PRKG1: variants seen among roughly 807,000 people sequenced by gnomAD.
PRKG1 encodes protein kinase cGMP-dependent 1.
Under a neutral mutation model 88.1 loss-of-function variants are expected in PRKG1, and 35 were observed. The observed-to-expected ratio is 0.40, with a 90% CI of 0.30 to 0.53. The LOEUF (loss-of-function observed/expected upper bound fraction) is 0.53. Ranked by LOEUF, PRKG1 falls within the 20% of genes least tolerant of loss-of-function variation. PRKG1 has a pLI of 0.59. For missense variants in PRKG1, 540 were observed against 839.8 expected (o/e 0.64, Z 4.41); for synonymous variants, 303 against 292.5 (o/e 1.04, Z -0.37).
At chr10:52,138,312 G>A (rs191739227) in intron 8 of PRKG1, among the ~76,000 whole-genome samples, 3 of 152,150 alleles carry the variant, frequency 2.0e-5, no homozygotes, top group Non-Finnish European at 4.4e-5. Flanking sequence ...GGCCCTACTG[G>A]CCATTAATTA....
At chr10:52,213,536 A>G (rs1840035890) in intron 9 of PRKG1, among the ~76,000 whole-genome samples, 1 of 152,230 alleles carries the variant, frequency 6.6e-6, no homozygotes, top group South Asian at 2.1e-4. Context: ...CAGTTCAGAC[A>G]GGGACATAGG....
chr10:51,843,670 C>T (rs957135432), intron 4 of PRKG1, among the ~76,000 whole-genome samples: 1 of 152,192 alleles, frequency 6.6e-6, no homozygotes, highest in Non-Finnish European at 1.5e-5. Context: ...TGGCTTTCAA[C>T]AGGGAATTCC....
chr10:52,230,913 T>C (rs965290090), intron 9 of PRKG1: 7 of 152,228 alleles, frequency 4.6e-5, no homozygotes, highest in Admixed American at 2.6e-4. Flanking sequence ...TTCTGCTACA[T>C]AGATTATGCC....
intron 5 of PRKG1, among the ~76,000 whole-genome samples, chr10:51,917,545 A>G (rs1289806846): frequency 6.6e-6 from 1 of 152,202 alleles, no homozygotes; most frequent in Non-Finnish European, 1.5e-5. Context: ...TGGGCTTATA[A>G]GAAGAATGTG....
intron 1 of PRKG1, among the ~76,000 whole-genome samples, chr10:51,018,405 T>C (rs1001010491): frequency 1.3e-5 from 2 of 152,218 alleles, no homozygotes; most frequent in African/African-American, 4.8e-5. Context: ...AGATTGTCTC[T>C]AGTCATGGAT....
At chr10:51,780,250 T>C (rs1838551637) in intron 3 of PRKG1, among the ~76,000 whole-genome samples, 2 of 151,944 alleles carry the variant, frequency 1.3e-5, no homozygotes, top group East Asian at 1.9e-4. Context: ...TAGTGGGAGA[T>C]GAACTTTAAG....
Position 51,531,996 on chromosome 10 carries a change from A to C in PRKG1, c.592+64160A>C, listed in dbSNP as rs556303767. ...AGGACACTCGATTTCTGCTAGTCCC[A>C]GTCTGCTAGAAAGAATGTACTTTTA... is the stretch of plus-strand genomic sequence containing the variant. On this transcript the variant is annotated intron_variant, in intron 3 of 17. Coordinates refer to ENST00000373980, the MANE Select transcript of PRKG1 (RefSeq NM_006258.4). Among the ~76,000 whole-genome samples the C allele has an allele frequency of 1.3e-3, 197 of 152,204 alleles. 5 individuals carry two copies. In the South Asian group the frequency reaches 0.022, roughly 17 times the overall value.
chr10:51,578,653 C>T (rs78068509), intron 3 of PRKG1, among the ~76,000 whole-genome samples: 10,531 of 152,156 alleles, frequency 0.069, 1,200 homozygotes, highest in African/African-American at 0.24. Context: ...GCCATACTGT[C>T]AGCAATAAAT....
chr10:51,842,675 T>C (rs1840307759), intron 4 of PRKG1, among the ~76,000 whole-genome samples: 4 of 152,220 alleles, frequency 2.6e-5, no homozygotes, highest in Admixed American at 6.5e-5. Context: ...TGTGTGTATG[T>C]ATGTGCATAC....
chr10:51,309,557 C>T lies in PRKG1; in HGVS notation c.478+156227C>T, dbSNP rs530312366. Among the ~76,000 whole-genome samples, 26 of 152,250 alleles carry T rather than the reference C, an allele frequency of 1.7e-4. No homozygotes were observed. In the South Asian group the frequency reaches 5.2e-3, roughly 30 times the overall value. ...ACCACAATGAGTTAGCATCTTATAC[C>T]AGTTAGGATGGCTATTACTAAAAAT... On this transcript the variant is annotated intron_variant, in intron 2 of 17. Coordinates refer to ENST00000373980, the MANE Select transcript of PRKG1 (RefSeq NM_006258.4).
chr10:51,633,603 A>G (rs1434603009), intron 3 of PRKG1, among the ~76,000 whole-genome samples: 1 of 152,208 alleles, frequency 6.6e-6, no homozygotes, highest in Non-Finnish European at 1.5e-5. Flanking sequence ...CATCTTCATT[A>G]TGGGGATAGA....
chr10:51,324,275 A>G (rs1219943295), intron 2 of PRKG1, among the ~76,000 whole-genome samples: 1 of 152,032 alleles, frequency 6.6e-6, no homozygotes, highest in Non-Finnish European at 1.5e-5. Flanking sequence ...CCAGGCCTCT[A>G]GTAACCACCA....
chr10:52,177,974 T>G (rs541976167), intron 9 of PRKG1, among the ~76,000 whole-genome samples: 2 of 151,806 alleles, frequency 1.3e-5, no homozygotes, highest in Non-Finnish European at 1.5e-5. Flanking sequence ...ATTGCTTTTT[T>G]TTTTTGGTCT....
rs558981286 is a variant in PRKG1 at position 51,906,164 on chromosome 10, G to T, written c.699-1343G>T. Among the ~76,000 whole-genome samples, 3 of 152,298 alleles carry T rather than the reference G, an allele frequency of 2.0e-5. No individual in the cohort carries two copies. In the South Asian group the frequency reaches 6.2e-4, roughly 32 times the overall value. ...TGGTTAGGAGTCGGCCTGGAGAAAG[G>T]TGTGTGTATGGAGGAAGACCTGGAA... is the stretch of plus-strand genomic sequence containing the variant. On this transcript the variant is annotated intron_variant, in intron 4 of 17. Coordinates refer to ENST00000373980, the MANE Select transcript of PRKG1 (RefSeq NM_006258.4).
At chr10:51,589,776 A>G (rs1838264602) in intron 3 of PRKG1, among the ~76,000 whole-genome samples, 1 of 152,208 alleles carries the variant, frequency 6.6e-6, no homozygotes, top group Admixed American at 6.5e-5. Flanking sequence ...AAAGTCGAAA[A>G]ATCAAAACGA....
intron 9 of PRKG1, among the ~76,000 whole-genome samples, chr10:52,179,534 T>TG (rs1838957749): frequency 6.6e-6 from 1 of 152,206 alleles, no homozygotes; most frequent in East Asian, 1.9e-4. Flanking sequence ...CTTTGTTTTT[T>TG]GCTTTTGACA....
Position 51,632,529 on chromosome 10 carries a change from T to TA in PRKG1, c.592+164694dup, listed in dbSNP as rs1349194976. 2.7e-4 allele frequency among the ~76,000 whole-genome samples: 41 copies of TA among 152,346 alleles called. 1 individual carries two copies. The highest frequency in any genetic ancestry group is 9.9e-4 in the African/African-American group (41 of 41,584). ...AAACTTTGCTTTTCCCCTCTGTTCT[T>TA]ACATTAGCATCCATTCTAATTGTTG... On this transcript the variant is annotated intron_variant, in intron 3 of 17. Transcript: ENST00000373980.
chr10:52,115,094 TTATC>T (rs1455495124), intron 7 of PRKG1, among the ~76,000 whole-genome samples: 3 of 152,136 alleles, frequency 2.0e-5, no homozygotes, highest in East Asian at 1.9e-4. Context: ...ACTATTAACT[TTATC>T]TAAATAGTTC....
chr10:51,774,010 C>T (rs1473311156), intron 3 of PRKG1, among the ~76,000 whole-genome samples: 1 of 152,074 alleles, frequency 6.6e-6, no homozygotes, highest in African/African-American at 2.4e-5. Flanking sequence ...AATATTTGTT[C>T]AGCTGTTAAT....
Sources: gnomAD v4.1 joint callset for allele counts (sites outside exome capture counted in the v4.1 genomes callset) on GRCh38, gnomAD v4.1.1 for gene constraint, MANE v1.5 for transcripts, NCBI Gene and HGNC (gene_info 2026-07-23, HGNC 2026-07-21) for gene names.